Variants in TP63 observed in about 807,000 individuals in gnomAD.
The protein encoded by TP63 is tumor protein 63.
Under a neutral mutation model 82.8 loss-of-function variants are expected in TP63, and 17 were observed. The ratio of observed to expected loss-of-function variants is 0.21; its 90% CI spans 0.14 to 0.31. The LOEUF is 0.31. TP63 is among the 10% of genes least tolerant of loss of function. TP63 has a pLI of 1.00. For missense variants in TP63, 648 were observed against 895.3 expected (o/e 0.72, Z 3.52); for synonymous variants, 330 against 321.7 (o/e 1.03, Z -0.28).
intron 1 of TP63, among the ~76,000 whole-genome samples, chr3:189,722,604 G>A (rs1719476228): frequency 1.2e-4 from 4 of 32,594 alleles, no homozygotes; most frequent in South Asian, 1.5e-3. Context: ...AGGAGAGTCC[G>A]CACAGTGCAC....
intron 1 of TP63, among the ~76,000 whole-genome samples, chr3:189,677,617 G>C (rs1715556743): frequency 6.6e-6 from 1 of 151,680 alleles, no homozygotes; most frequent in Non-Finnish European, 1.5e-5. Context: ...GTATCCAGTA[G>C]TGGGGTTACT....
At chr3:189,644,965 C>T (rs1338869952) in intron 1 of TP63, among the ~76,000 whole-genome samples, 2 of 150,394 alleles carry the variant, frequency 1.3e-5, no homozygotes, top group Non-Finnish European at 3.0e-5. Flanking sequence ...CCTACCTTTT[C>T]CCACCCAATT....
At chr3:189,683,331 CAT>C (rs904632699) in intron 1 of TP63, among the ~76,000 whole-genome samples, 1 of 152,132 alleles carries the variant, frequency 6.6e-6, no homozygotes, top group African/African-American at 2.4e-5. Flanking sequence ...CAGCACAAAA[CAT>C]ATGTTGCCCA....
chr3:189,636,684 G>A (rs964465549), intron 1 of TP63, among the ~76,000 whole-genome samples: 3 of 152,130 alleles, frequency 2.0e-5, no homozygotes, highest in African/African-American at 7.2e-5. Context: ...ATAAATGTGA[G>A]CTACACATGT....
chr3:189,873,147 T>G, intron 10 of TP63, 152 bp downstream of exon 10: 1 of 1,130,452 alleles, frequency 8.8e-7, no homozygotes, highest in Non-Finnish European at 1.3e-6. Context: ...CCTCTTTCAG[T>G]TGCAACCTTT....
chr3:189,775,313 TG>T (rs1723712353), intron 3 of TP63, among the ~76,000 whole-genome samples: 1 of 152,098 alleles, frequency 6.6e-6, no homozygotes, highest in African/African-American at 2.4e-5. Flanking sequence ...CTGAGTCCAC[TG>T]TGTTAACTTG....
chr3:189,645,837 A>G (rs1394832940), intron 1 of TP63, among the ~76,000 whole-genome samples: 1 of 146,976 alleles, frequency 6.8e-6, no homozygotes, highest in South Asian at 2.2e-4. Context: ...ACATGAACTC[A>G]TCCTTTTTTA....
chr3:189,865,940 A>G (rs1351772283), intron 5 of TP63, among the ~76,000 whole-genome samples: 2 of 152,234 alleles, frequency 1.3e-5, no homozygotes, highest in Admixed American at 1.3e-4. Context: ...ACATTTTGAT[A>G]TGCTTCACTT....
intron 1 of TP63, among the ~76,000 whole-genome samples, chr3:189,663,347 C>A (rs1714092324): frequency 6.6e-6 from 1 of 151,856 alleles, no homozygotes; most frequent in South Asian, 2.1e-4. Context: ...GAAATTAAGA[C>A]CCAGAGGAAA....
At chr3:189,848,367 G>C (rs1001339710) in intron 4 of TP63, among the ~76,000 whole-genome samples, 3 of 144,494 alleles carry the variant, frequency 2.1e-5, no homozygotes, top group African/African-American at 7.7e-5. Context: ...TCCTACAGAT[G>C]CCCCCATACC....
chr3:189,852,616 C>T (rs1715788754), intron 4 of TP63, among the ~76,000 whole-genome samples: 1 of 152,160 alleles, frequency 6.6e-6, no homozygotes, highest in Admixed American at 6.5e-5. Flanking sequence ...TTCCTCATTT[C>T]TTGTCTGAAT....
chr3:189,683,494 T>A (rs1716154722), intron 1 of TP63, among the ~76,000 whole-genome samples: 1 of 152,196 alleles, frequency 6.6e-6, no homozygotes, highest in African/African-American at 2.4e-5. Flanking sequence ...CAAATCTTTC[T>A]TTGACAACTC....
chr3:189,859,129 T>C (rs953781), intron 4 of TP63, among the ~76,000 whole-genome samples: 34,965 of 152,154 alleles, frequency 0.23, 4,455 homozygotes, highest in Non-Finnish European at 0.28. Flanking sequence ...TTGAATGTTC[T>C]TACTACAAAG....
At chr3:189,699,262 G>T (rs148918414) in intron 1 of TP63, among the ~76,000 whole-genome samples, 6 of 152,214 alleles carry the variant, frequency 3.9e-5, no homozygotes, top group African/African-American at 1.2e-4. Flanking sequence ...AGAAGTTGAG[G>T]TTTGCCTCAG....
intron 1 of TP63, among the ~76,000 whole-genome samples, chr3:189,731,087 A>C (rs9811463): frequency 0.27 from 41,725 of 152,112 alleles, 6,082 homozygotes; most frequent in Admixed American, 0.35. Flanking sequence ...TCACGCCTGT[A>C]ATCCCAGCGC....
chr3:189,878,815 G>A (rs1239794145), intron 10 of TP63, among the ~76,000 whole-genome samples: 1 of 121,446 alleles, frequency 8.2e-6, no homozygotes, highest in African/African-American at 3.2e-5. Context: ...AAACCATAGA[G>A]ACGGGGTTTC....
At chr3:189,814,127 G>A (rs1386351756) in intron 4 of TP63, among the ~76,000 whole-genome samples, 1 of 152,196 alleles carries the variant, frequency 6.6e-6, no homozygotes, top group African/African-American at 2.4e-5. Context: ...ATGCGCGCCT[G>A]CGGCCCACCC....
rs1560146764 is a variant in TP63, at chr3:189,737,821, A to AT, written c.146dup (p.Leu50ProfsTer24). On this transcript the variant is annotated frameshift_variant, in exon 2 of 14. Coordinates refer to ENST00000264731, the MANE Select transcript of TP63 (RefSeq NM_003722.5). LOFTEE classifies it high-confidence loss of function. ...TGTCCCAGAGCACACAGACAAATGA[A>AT]TTCCTCAGTCCAGAGGTTTTCCAGC... The AT allele has an allele frequency of 6.2e-7, 1 of 1,614,036 alleles. No individual in the cohort carries two copies.
rs577747570 is a variant in TP63 at position 189,896,313 on chromosome 3, G to A, written c.*1811G>A. On this transcript the variant is annotated 3_prime_UTR_variant, in exon 14 of 14. Coordinates refer to ENST00000264731, the MANE Select transcript of TP63 (RefSeq NM_003722.5). ...TTTTTTTTTTCTTCTTGGGATAGTGGGATTTCCAGAACCACACTTGAAACC... is the reference window on the plus strand; with the variant it reads ...TTTTTTTTTTCTTCTTGGGATAGTGAGATTTCCAGAACCACACTTGAAACC... 1 of 213,914 alleles carries A rather than the reference G, an allele frequency of 4.7e-6. No homozygotes were observed. Among genetic ancestry groups the A allele is most frequent in the Admixed American group, 5.9e-5 (1 of 17,060 alleles). 13.3% of individuals were successfully genotyped at this position (213,914 alleles called of 1,614,324 possible).
Sources: allele counts gnomAD v4.1 joint callset (sites outside exome capture counted in the v4.1 genomes callset), GRCh38; gene constraint gnomAD v4.1.1; transcripts MANE v1.5; gene names NCBI Gene and HGNC (gene_info 2026-07-23, HGNC 2026-07-21).